ZNF43: variants seen among roughly 807,000 people sequenced by gnomAD.
ZNF43 encodes the protein zinc finger protein 43.
Under a neutral mutation model 68.4 loss-of-function variants are expected in ZNF43, and 44 were observed. That is an observed-to-expected ratio of 0.64 (90% CI 0.51 to 0.83). The LOEUF is 0.83. Ranked by LOEUF, ZNF43 falls within the 40% of genes least tolerant of loss-of-function variation. ZNF43 has a pLI of 0.00. For synonymous variants in ZNF43, 308 were observed against 307.8 expected (o/e 1.00, Z -0.01); for missense variants, 896 against 933.2 (o/e 0.96, Z 0.52).
chr19:21,817,450 G>C (rs987771638), intron 3 of ZNF43, among the ~76,000 whole-genome samples: 1 of 152,064 alleles, frequency 6.6e-6, no homozygotes, highest in Admixed American at 6.6e-5. Flanking sequence ...ATAAAAACAG[G>C]ATGAACTGTG....
chr19:21,845,533 A>G (rs960882802), intron 1 of ZNF43: 3 of 152,088 alleles, frequency 2.0e-5, no homozygotes, highest in African/African-American at 7.2e-5. Flanking sequence ...AAGATATGTC[A>G]TAATACTCTC....
In ZNF43 at chr19:21,806,169, C is replaced by CTTTTTTTTTTTTTTTTTTTTTTTTTT. The variant is rs74174041; in HGVS notation, c.*1437_*1438insAAAAAAAAAAAAAAAAAAAAAAAAAA. 7.9e-6 allele frequency: 1 copy of CTTTTTTTTTTTTTTTTTTTTTTTTTT among 126,122 alleles called. No homozygotes were observed. The highest frequency in any genetic ancestry group is 1.7e-5 in the Non-Finnish European group (1 of 57,922). The allele number at this position is 126,122 out of a possible 1,614,324, so 7.8% of individuals were successfully genotyped here. On this transcript the variant is annotated 3_prime_UTR_variant, in exon 4 of 4. Transcript: ENST00000354959. Reference sequence around the variant, plus strand: ...CTCCAGTTACATTTTCATCACGCATCTTTTTTTTTTTTTTTTTTCTTTTTG... The same window carrying CTTTTTTTTTTTTTTTTTTTTTTTTTT: ...CTCCAGTTACATTTTCATCACGCATCTTTTTTTTTTTTTTTTTTTTTTTTTTTTTTTTTTTTTTTTTTTTCTTTTTG...
In ZNF43 at chr19:21,806,926, C is replaced by T. The variant is rs1440336609; in HGVS notation, c.*681G>A. On this transcript the variant is annotated 3_prime_UTR_variant, in exon 4 of 4. Transcript: ENST00000354959. ...TGCAAAAACATATTTTAGTATGAAC[C>T]CTGTGGTGTTTTCTATGCTGTGGTT... 6.6e-6 allele frequency: 1 copy of T among 151,800 alleles called. No individual in the cohort carries two copies. Among genetic ancestry groups the T allele is most frequent in the East Asian group, 1.9e-4 (1 of 5,198 alleles). The allele number at this position is 151,800 out of a possible 1,614,324, so 9.4% of individuals were successfully genotyped here.
upstream of ZNF43, among the ~76,000 whole-genome samples, chr19:21,837,180 A>G (rs1967164231): frequency 6.6e-6 from 1 of 152,142 alleles, no homozygotes; most frequent in Admixed American, 6.5e-5. Flanking sequence ...AAAAATATAG[A>G]AAATCTCTAA....
At chr19:21,841,654 C>T (rs1423898822) in intron 1 of ZNF43, 1 of 152,144 alleles carries the variant, frequency 6.6e-6, no homozygotes, top group Non-Finnish European at 1.5e-5. Context: ...AGCTCTTTAC[C>T]CATTTGGTTT....
At chr19:21,844,399 GT>G (rs1201433254) in intron 1 of ZNF43, among the ~76,000 whole-genome samples, 3 of 145,632 alleles carry the variant, frequency 2.1e-5, no homozygotes, top group Non-Finnish European at 4.5e-5. Flanking sequence ...TTTCATCTGT[GT>G]TTTTGGCTTG....
At chr19:21,823,324 T>G (rs956474190) in intron 1 of ZNF43, among the ~76,000 whole-genome samples, 17 of 152,184 alleles carry the variant, frequency 1.1e-4, no homozygotes, top group African/African-American at 4.1e-4. Context: ...CTCCTGTTTT[T>G]CACCCAACTA....
At chr19:21,829,308 T>G (rs2038312113) in intron 1 of ZNF43, among the ~76,000 whole-genome samples, 1 of 152,188 alleles carries the variant, frequency 6.6e-6, no homozygotes, top group African/African-American at 2.4e-5. Flanking sequence ...CTGTTCTTGC[T>G]TTTGCAGTGT....
At chr19:21,816,068 A>G (rs184726191) in intron 3 of ZNF43, among the ~76,000 whole-genome samples, 87 of 152,106 alleles carry the variant, frequency 5.7e-4, no homozygotes, top group East Asian at 3.3e-3. Flanking sequence ...CGCAAAAAAA[A>G]AAAAGAAAAG....
In ZNF43 at chr19:21,805,989, CATTTA is replaced by C. The variant is rs1374502298; in HGVS notation, c.*1613_*1617del. 85 of 152,022 alleles carry C rather than the reference CATTTA, an allele frequency of 5.6e-4. No individual in the cohort carries two copies. The highest frequency in any genetic ancestry group is 1.6e-3 in the African/African-American group (66 of 41,492). The allele number at this position is 152,022 out of a possible 1,614,324, so 9.4% of individuals were successfully genotyped here. ...TGTAATCTAAAAATTTAAAAATGTACATTTAATTACATAAAATTACAATAAGTAAA... is the reference window on the plus strand; with the variant it reads ...TGTAATCTAAAAATTTAAAAATGTACATTACATAAAATTACAATAAGTAAA... On this transcript the variant is annotated 3_prime_UTR_variant, in exon 4 of 4. Coordinates refer to ENST00000354959, the MANE Select transcript of ZNF43 (RefSeq NM_003423.4).
intron 1 of ZNF43, among the ~76,000 whole-genome samples, chr19:21,829,277 A>C (rs1378915182): frequency 6.6e-6 from 1 of 152,078 alleles, no homozygotes; most frequent in Non-Finnish European, 1.5e-5. Context: ...ACAGACTCCA[A>C]GGTTGAGTTT....
intron 2 of ZNF43, 75 bp from the exon 3 acceptor site, chr19:21,818,061 T>A: frequency 7.0e-7 from 1 of 1,424,040 alleles, no homozygotes; most frequent in Non-Finnish European, 9.7e-7. Flanking sequence ...GTGTCCAGTA[T>A]GAAGGGTGTG....
At chr19:21,842,648 T>G (rs2145397029) in intron 1 of ZNF43, among the ~76,000 whole-genome samples, 1 of 152,238 alleles carries the variant, frequency 6.6e-6, no homozygotes, top group East Asian at 1.9e-4. Flanking sequence ...GAATTGAGAC[T>G]AGTTATATGG....
intron 1 of ZNF43, among the ~76,000 whole-genome samples, chr19:21,834,875 A>G (rs1292436157): frequency 2.0e-5 from 3 of 151,702 alleles, no homozygotes; most frequent in Non-Finnish European, 2.9e-5. Context: ...AAATATCTGT[A>G]TCAAAAATAT....
intron 1 of ZNF43, among the ~76,000 whole-genome samples, chr19:21,820,711 A>G (rs970877123): frequency 1.3e-5 from 2 of 152,252 alleles, no homozygotes; most frequent in African/African-American, 2.4e-5. Flanking sequence ...GCACGCAAAA[A>G]GACACAGCAT....
At chr19:21,819,064 A>G (rs756941377) in intron 2 of ZNF43, 31 bp downstream of exon 2, 11 of 1,596,506 alleles carry the variant, frequency 6.9e-6, no homozygotes, top group South Asian at 1.1e-5. Context: ...TTTAGGGTAT[A>G]TTAGGAATTG....
At chr19:21,843,738 T>C (rs1476488881) in intron 1 of ZNF43, among the ~76,000 whole-genome samples, 1 of 151,828 alleles carries the variant, frequency 6.6e-6, no homozygotes, top group Non-Finnish European at 1.5e-5. Flanking sequence ...GCCAAGATCA[T>C]GCCATTGCAC....
Position 21,808,855 on chromosome 19 carries a change from T to A in ZNF43, c.1182A>T (p.Glu394Asp). The change falls in exon 4 of 4, where the codon GAA (glutamate) becomes GAT (aspartate). Residue 394 changes from glutamate (E) to aspartate (D), a missense_variant. Transcript: ENST00000354959. ...NLTKHKKIHT[E>D]KKPYKCEECG... ...ATTCTTCACATTTGTAGGGTTTCTTTTCAGTATGAATTTTCTTATGTTTAG... is the reference window on the plus strand; with the variant it reads ...ATTCTTCACATTTGTAGGGTTTCTTATCAGTATGAATTTTCTTATGTTTAG... 1 of 1,613,842 alleles carries A rather than the reference T, an allele frequency of 6.2e-7. No homozygotes were observed. Among genetic ancestry groups the A allele is most frequent in the Non-Finnish European group, 8.5e-7 (1 of 1,179,886 alleles).
chr19:21,843,837 C>T (rs1223087757), intron 1 of ZNF43, among the ~76,000 whole-genome samples: 1 of 152,132 alleles, frequency 6.6e-6, no homozygotes, highest in Non-Finnish European at 1.5e-5. Context: ...ACCTGAGAGT[C>T]ACCAATCCAT....
Sources: allele counts gnomAD v4.1 joint callset (sites outside exome capture counted in the v4.1 genomes callset), GRCh38; gene constraint gnomAD v4.1.1; transcripts MANE v1.5; gene names NCBI Gene and HGNC (gene_info 2026-07-23, HGNC 2026-07-21).